ARHGEF10L: variants seen among roughly 807,000 people sequenced by gnomAD.
ARHGEF10L encodes the protein rho guanine nucleotide exchange factor 10-like protein.
In ARHGEF10L, 69 loss-of-function variants were observed where a neutral mutation model predicts 141.2. The observed-to-expected ratio is 0.49, with a 90% CI of 0.40 to 0.60. The LOEUF is 0.60. ARHGEF10L is among the 20% of genes least tolerant of loss of function. ARHGEF10L has a pLI of 0.00. For synonymous variants in ARHGEF10L, 711 were observed against 718.5 expected, an observed-to-expected ratio of 0.99 and a Z score of 0.17; for missense variants, 1,482 against 1,734.3, an observed-to-expected ratio of 0.85 and a Z score of 2.58.
At chr1:17,572,147 C>T (rs572396683) in intron 1 of ARHGEF10L, among the ~76,000 whole-genome samples, 34 of 152,332 alleles carry the variant, frequency 2.2e-4, no homozygotes, top group Middle Eastern at 3.4e-3. Flanking sequence ...TGACCCAGCC[C>T]GAATTCTTTG....
Position 17,580,852 on chromosome 1 carries a change from C to CT in ARHGEF10L, c.37+224dup, listed in dbSNP as rs573513453. Among the ~76,000 whole-genome samples, 678 of 152,266 alleles carry CT rather than the reference C, an allele frequency of 4.5e-3. 7 individuals carry two copies. The highest frequency in any genetic ancestry group is 0.015 in the African/African-American group (634 of 41,554). Reference sequence around the variant, plus strand: ...AGGAGGCTCTGAGCAAGGGTCAATCCTTTTCCTGTCTCCCTGAGATCCGCC... The same window carrying CT: ...AGGAGGCTCTGAGCAAGGGTCAATCCTTTTTCCTGTCTCCCTGAGATCCGCC... On this transcript the variant is annotated intron_variant, in intron 2 of 28. Coordinates refer to ENST00000361221, the MANE Select transcript of ARHGEF10L (RefSeq NM_018125.4).
chr1:17,637,953 G>A lies in ARHGEF10L; in HGVS notation c.1993G>A (p.Val665Met), dbSNP rs866671024. Residue 665 changes from valine to methionine, a missense_variant, in exon 19 of 29, where the codon GTG becomes ATG. By Grantham distance (21) the Val-to-Met change is conservative (BLOSUM62 1). This residue lies in a region of ARHGEF10L where 858 missense variants were observed against 966.3 expected (regional missense o/e 0.89). Coordinates refer to ENST00000361221, the MANE Select transcript of ARHGEF10L (RefSeq NM_018125.4). ...ELQDLQKDLA[V>M]VEQITLLIST... The stretch of plus-strand genomic sequence containing the variant: ...GCAGGACCTGCAGAAGGACCTGGCC[G>A]TGGTGGAGCAGATCACGCTTCTCAT... 8 of 1,601,066 alleles carry A rather than the reference G, an allele frequency of 5.0e-6. No individual in the cohort carries two copies. The highest frequency in any genetic ancestry group is 1.3e-5 in the African/African-American group (1 of 74,780).
chr1:17,582,539 T>C (rs540153339), intron 2 of ARHGEF10L, among the ~76,000 whole-genome samples: 1 of 152,352 alleles, frequency 6.6e-6, no homozygotes, highest in South Asian at 2.1e-4. Flanking sequence ...CCTTCATTCC[T>C]GCGCGTGTCT....
intron 16 of ARHGEF10L, 103 bp downstream of exon 16, chr1:17,632,569 G>A: frequency 6.7e-7 from 1 of 1,494,952 alleles, no homozygotes; most frequent in African/African-American, 1.4e-5. Flanking sequence ...GACCCCATGT[G>A]AGCTTGGTTT....
chr1:17,572,452 T>A (rs1244113716), intron 1 of ARHGEF10L, among the ~76,000 whole-genome samples: 4 of 152,144 alleles, frequency 2.6e-5, no homozygotes. Flanking sequence ...GGGCCAAGTT[T>A]ATTACCTTAC....
chr1:17,539,780 G>C lies in ARHGEF10L; in HGVS notation c.-214G>C, dbSNP rs1426465756. ...CAGTCCCGGCGGGCCCGGACCTCGC[G>C]GGCGGGCGGGCGGCGCGGCCATTGG... On this transcript the variant is annotated 5_prime_UTR_variant, in exon 1 of 29. Transcript: ENST00000361221. This position sits in a 1 kb window ranked among gnomAD's most constrained non-coding sequence, Gnocchi z 6.0. The C allele has an allele frequency of 2.0e-5, 3 of 146,496 alleles. No individual in the cohort carries two copies. In the East Asian group the frequency reaches 6.0e-4, roughly 29 times the overall value. The allele number at this position is 146,496 out of a possible 1,614,324, so 9.1% of individuals were successfully genotyped here. A position where few individuals can be genotyped will look rare whatever the true frequency, so the allele number is the denominator to read the frequency against.
intron 4 of ARHGEF10L, among the ~76,000 whole-genome samples, chr1:17,593,868 C>T (rs969786045): frequency 2.6e-5 from 4 of 151,584 alleles, no homozygotes; most frequent in East Asian, 3.9e-4. Flanking sequence ...TGGGAGAGAG[C>T]GTCACTTGTC....
Position 17,683,608 on chromosome 1 carries a change from A to G in ARHGEF10L, c.3010-3965A>G, listed in dbSNP as rs577756195. On this transcript the variant is annotated intron_variant, in intron 26 of 28. Coordinates refer to ENST00000361221, the MANE Select transcript of ARHGEF10L (RefSeq NM_018125.4). The stretch of plus-strand genomic sequence containing the variant: ...GGACCCAGGAGCCCAGAGGTAGCTG[A>G]GACATGCCAGGCTGGGGCTGGGGCT... 2.6e-5 allele frequency among the ~76,000 whole-genome samples: 4 copies of G among 151,362 alleles called. No individual in the cohort carries two copies. In the East Asian group the frequency reaches 5.8e-4, roughly 22 times the overall value.
chr1:17,519,296 T>C, the ARHGEF10L span, among the ~76,000 whole-genome samples: 2 of 151,390 alleles, frequency 1.3e-5, no homozygotes, highest in Non-Finnish European at 2.9e-5. Context: ...GTAGGGACTA[T>C]TATAATCACC....
At position 17,654,555 on chromosome 1, in the gene ARHGEF10L, A is replaced by T; in HGVS notation, c.2395-81A>T. ...GGGATTCTAATCCAGGGAGAGTTGGATGGGGCCCAGGAATCTGCCAAATAT... is the reference window on the plus strand; with the variant it reads ...GGGATTCTAATCCAGGGAGAGTTGGTTGGGGCCCAGGAATCTGCCAAATAT... On this transcript the variant is annotated intron_variant, in intron 22 of 28. Coordinates refer to ENST00000361221, the MANE Select transcript of ARHGEF10L (RefSeq NM_018125.4). The surrounding 1 kb of genome is among the most constrained non-coding windows in gnomAD (Gnocchi z 4.3). 1 of 1,252,780 alleles carries T rather than the reference A, an allele frequency of 8.0e-7. No homozygotes were observed. Among genetic ancestry groups the T allele is most frequent in the East Asian group, 2.3e-5 (1 of 43,168 alleles). 77.6% of individuals were successfully genotyped at this position (1,252,780 alleles called of 1,614,324 possible). A position where few individuals can be genotyped will look rare whatever the true frequency, so the allele number is the denominator to read the frequency against.
chr1:17,541,467 GT>G (rs1453084980), intron 1 of ARHGEF10L, among the ~76,000 whole-genome samples: 2 of 152,236 alleles, frequency 1.3e-5, no homozygotes, highest in African/African-American at 4.8e-5. Flanking sequence ...TCTGTTTCAA[GT>G]TTTAACTCTG....
chr1:17,663,495 A>C (rs1335152043), intron 25 of ARHGEF10L, among the ~76,000 whole-genome samples: 2 of 151,166 alleles, frequency 1.3e-5, no homozygotes, highest in Non-Finnish European at 2.9e-5. Context: ...CAGAGGTTGC[A>C]GTGAGCCAAG....
chr1:17,637,755 C>T (rs759838577), intron 18 of ARHGEF10L, 133 bp from the exon 19 acceptor site: 110 of 673,694 alleles, frequency 1.6e-4, no homozygotes, highest in South Asian at 4.4e-4. Flanking sequence ...CTGCCTGCCT[C>T]GGCCTCCCAA....
rs374886257 is a variant in ARHGEF10L at position 17,654,620 on chromosome 1, G to A, written c.2395-16G>A. The A allele has an allele frequency of 2.1e-4, 338 of 1,612,460 alleles. No homozygotes were observed. In the African/African-American group the frequency reaches 3.4e-3, roughly 16 times the overall value. On this transcript the variant is annotated splice_polypyrimidine_tract_variant and intron_variant, in intron 22 of 28. Coordinates refer to ENST00000361221, the MANE Select transcript of ARHGEF10L (RefSeq NM_018125.4). This position sits in a 1 kb window ranked among gnomAD's most constrained non-coding sequence, Gnocchi z 4.3. ...CTTGATGATTAACCTCACATGTACC[G>A]TCTCTGTCTCTGCAGCTTGGGGCCC...
In ARHGEF10L at chr1:17,618,284, C is replaced by G. The variant is rs1391436949; in HGVS notation, c.836-1055C>G. Reference sequence around the variant, plus strand: ...CCCACCCCGCCCACAAGCCCAGCGCCTTCCTGAAGTGACCCTCCCTGCAGA... The same window carrying G: ...CCCACCCCGCCCACAAGCCCAGCGCGTTCCTGAAGTGACCCTCCCTGCAGA... On this transcript the variant is annotated intron_variant, in intron 9 of 28. Transcript: ENST00000361221. The G allele has an allele frequency of 2.1e-6, 3 of 1,450,246 alleles. No individual in the cohort carries two copies. In the Admixed American group the frequency reaches 7.4e-5, roughly 36 times the overall value. The allele number at this position is 1,450,246 out of a possible 1,614,324, so 89.8% of individuals were successfully genotyped here.
At chr1:17,517,914 G>A in the ARHGEF10L span, among the ~76,000 whole-genome samples, 2 of 152,076 alleles carry the variant, frequency 1.3e-5, no homozygotes, top group Admixed American at 6.6e-5. Context: ...CAACCGCCTC[G>A]GCCTCCCAAA....
chr1:17,668,774 C>G (rs900558796), intron 26 of ARHGEF10L, among the ~76,000 whole-genome samples: 11 of 152,142 alleles, frequency 7.2e-5, no homozygotes, highest in Admixed American at 3.3e-4. Flanking sequence ...CACAACCATT[C>G]GGCACAGTAA....
At chr1:17,567,872 A>T (rs1249752547) in intron 1 of ARHGEF10L, among the ~76,000 whole-genome samples, 2 of 152,140 alleles carry the variant, frequency 1.3e-5, no homozygotes, top group African/African-American at 2.4e-5. Flanking sequence ...CGCACCAACT[A>T]AGGCAACTCT....
At chr1:17,683,616 C>T (rs937616892) in intron 26 of ARHGEF10L, among the ~76,000 whole-genome samples, 4 of 151,918 alleles carry the variant, frequency 2.6e-5, no homozygotes, top group African/African-American at 7.2e-5. Flanking sequence ...TGAGACATGC[C>T]AGGCTGGGGC....
Sources: allele counts gnomAD v4.1 joint callset (sites outside exome capture counted in the v4.1 genomes callset), GRCh38; gene constraint gnomAD v4.1.1; regional missense constraint gnomAD v4.1.1; non-coding constraint Gnocchi (gnomAD v3.1); transcripts MANE v1.5; gene names NCBI Gene and HGNC (gene_info 2026-07-23, HGNC 2026-07-21).